ITCH: variants seen among roughly 807,000 people sequenced by gnomAD.
The protein encoded by ITCH is E3 ubiquitin-protein ligase Itchy homolog.
In ITCH, 28 loss-of-function variants were observed where a neutral mutation model predicts 126.8. The ratio of observed to expected loss-of-function variants is 0.22; its 90% CI spans 0.16 to 0.30. ITCH has a LOEUF of 0.30. ITCH is among the 10% of genes least tolerant of loss of function. ITCH has a pLI of 1.00. For missense variants in ITCH, 631 were observed against 1,032.4 expected, an observed-to-expected ratio of 0.61 and a Z score of 5.33; for synonymous variants, 342 against 340.0, an observed-to-expected ratio of 1.01 and a Z score of -0.06.
chr20:34,400,270 A>G (rs1012639431), intron 3 of ITCH, among the ~76,000 whole-genome samples: 17 of 152,144 alleles, frequency 1.1e-4, no homozygotes, highest in Admixed American at 5.9e-4. Flanking sequence ...AGGTCTTGCT[A>G]TGTTGCCCAG....
intron 2 of ITCH, among the ~76,000 whole-genome samples, chr20:34,378,173 A>T (rs1326110372): frequency 6.6e-6 from 1 of 152,126 alleles, no homozygotes; most frequent in Non-Finnish European, 1.5e-5. Context: ...TGAGATCTGT[A>T]TTAAAAACAG....
chr20:34,510,062 A>G lies in ITCH; in HGVS notation c.*2268A>G, dbSNP rs1291371596. ...TTGAAGTAGCCCTGGCCCTAGTTCT[A>G]TAGGGCTTGGCTATTTAATATTTTT... On this transcript the variant is annotated 3_prime_UTR_variant, in exon 25 of 25. Coordinates refer to ENST00000374864, the MANE Select transcript of ITCH (RefSeq NM_031483.7). 6.6e-6 allele frequency: 1 copy of G among 152,618 alleles called. No individual in the cohort carries two copies. The highest frequency in any genetic ancestry group is 1.5e-5 in the Non-Finnish European group (1 of 68,038). The allele number at this position is 152,618 out of a possible 1,614,324, so 9.5% of individuals were successfully genotyped here.
intron 14 of ITCH, among the ~76,000 whole-genome samples, chr20:34,467,851 A>G (rs1336759992): frequency 6.6e-6 from 1 of 151,746 alleles, no homozygotes; most frequent in Non-Finnish European, 1.5e-5. Context: ...ATGCCTGGCT[A>G]ATTTTGTATT....
At chr20:34,364,054 G>A (rs1355205346) in intron 1 of ITCH, among the ~76,000 whole-genome samples, 1 of 152,162 alleles carries the variant, frequency 6.6e-6, no homozygotes, top group African/African-American at 2.4e-5. Context: ...CGTATTCTAA[G>A]GGTCGAAGCA....
intron 7 of ITCH, among the ~76,000 whole-genome samples, chr20:34,434,617 G>C (rs1338184734): frequency 1.3e-5 from 2 of 152,150 alleles, no homozygotes; most frequent in Admixed American, 6.5e-5. Flanking sequence ...AGATGGAGAT[G>C]GTTAGTGGCA....
chr20:34,417,443 A>G (rs945589377), intron 6 of ITCH, among the ~76,000 whole-genome samples: 7 of 131,320 alleles, frequency 5.3e-5, no homozygotes, highest in Admixed American at 8.6e-5. Context: ...CTTGTTGCCC[A>G]GGCTGGAGTG....
intron 3 of ITCH, among the ~76,000 whole-genome samples, chr20:34,407,144 C>G (rs961659579): frequency 1.3e-5 from 2 of 152,026 alleles, no homozygotes; most frequent in Non-Finnish European, 2.9e-5. Context: ...GAGTTTGTAT[C>G]TCAAGATGCA....
chr20:34,370,135 C>T (rs1053141603), intron 2 of ITCH, among the ~76,000 whole-genome samples: 3 of 149,812 alleles, frequency 2.0e-5, no homozygotes, highest in Non-Finnish European at 4.4e-5. Flanking sequence ...CAACATGGTT[C>T]AGTGCAGAAA....
At chr20:34,480,254 A>G (rs1988613506) in intron 18 of ITCH, among the ~76,000 whole-genome samples, 2 of 151,502 alleles carry the variant, frequency 1.3e-5, no homozygotes, top group South Asian at 2.1e-4. Flanking sequence ...CTAGAGTGCA[A>G]TGGCGTGATC....
At chr20:34,417,111 T>TA in intron 6 of ITCH, 1 of 667,324 alleles carries the variant, frequency 1.5e-6, no homozygotes, top group Admixed American at 2.1e-5. Context: ...TTTTTTTTTT[T>TA]TTTAGATGGG....
intron 16 of ITCH, chr20:34,475,849 G>T: frequency 1.2e-6 from 1 of 800,264 alleles, no homozygotes; most frequent in Non-Finnish European, 2.1e-6. Context: ...ACTCATCCAT[G>T]TACTCATTTT....
chr20:34,452,069 CAAAA>C (rs765697780), intron 12 of ITCH, among the ~76,000 whole-genome samples: 10 of 53,298 alleles, frequency 1.9e-4, no homozygotes, highest in Non-Finnish European at 3.2e-4. Context: ...GACCCTGTCT[CAAAA>C]AAAAAAAAAA....
At chr20:34,399,672 TC>T (rs1161252987) in intron 3 of ITCH, among the ~76,000 whole-genome samples, 2 of 151,590 alleles carry the variant, frequency 1.3e-5, no homozygotes, top group Non-Finnish European at 2.9e-5. Context: ...AAACCCTGTT[TC>T]TACTAAAAAA....
At chr20:34,390,443 C>CTTTTT (rs546555130) in intron 2 of ITCH, among the ~76,000 whole-genome samples, 66 of 90,770 alleles carry the variant, frequency 7.3e-4, no homozygotes, top group Non-Finnish European at 1.0e-3. Flanking sequence ...CAAGAATAAT[C>CTTTTT]TTTTTTTTTT....
At chr20:34,472,581 C>T (rs926554187) in intron 16 of ITCH, among the ~76,000 whole-genome samples, 1 of 152,080 alleles carries the variant, frequency 6.6e-6, no homozygotes, top group Non-Finnish European at 1.5e-5. Flanking sequence ...TTTCAAGCAC[C>T]AGTGGTATTG....
At chr20:34,381,695 A>G (rs1601762462) in intron 2 of ITCH, among the ~76,000 whole-genome samples, 5 of 151,774 alleles carry the variant, frequency 3.3e-5, no homozygotes, top group Admixed American at 3.3e-4. Flanking sequence ...CAAAGTGCTG[A>G]GATTACAGAC....
chr20:34,404,760 A>G (rs1268143667), intron 3 of ITCH, among the ~76,000 whole-genome samples: 4 of 152,078 alleles, frequency 2.6e-5, no homozygotes, highest in Non-Finnish European at 5.9e-5. Context: ...CCTGTTTCGC[A>G]GAATAGGTAT....
At chr20:34,398,824 A>C (rs978427371) in intron 3 of ITCH, among the ~76,000 whole-genome samples, 1 of 152,188 alleles carries the variant, frequency 6.6e-6, no homozygotes, top group Non-Finnish European at 1.5e-5. Context: ...TGAATAATGG[A>C]TAATAGTTCA....
intron 23 of ITCH, among the ~76,000 whole-genome samples, chr20:34,501,217 A>T (rs920096722): frequency 1.3e-5 from 2 of 152,158 alleles, no homozygotes; most frequent in African/African-American, 4.8e-5. Flanking sequence ...TCCCACTTTT[A>T]TTAATATATA....
Sources: allele counts gnomAD v4.1 joint callset (sites outside exome capture counted in the v4.1 genomes callset), GRCh38; gene constraint gnomAD v4.1.1; transcripts MANE v1.5; gene names NCBI Gene and HGNC (gene_info 2026-07-23, HGNC 2026-07-21).